KDM5B: variants seen among roughly 807,000 people sequenced by gnomAD.
KDM5B encodes the protein lysine demethylase 5B.
A neutral mutation model predicts 193.4 loss-of-function variants in KDM5B; 144 were observed. The observed-to-expected ratio is 0.74, with a 90% CI of 0.65 to 0.86. The LOEUF (loss-of-function observed/expected upper bound fraction) is 0.86, where lower values mean the gene tolerates loss of function less well. KDM5B is among the 40% of genes least tolerant of loss of function. The pLI, the probability that KDM5B is intolerant of heterozygous loss-of-function variation, is 0.00. For synonymous variants in KDM5B, 668 were observed against 682.6 expected (o/e 0.98, Z 0.33); for missense variants, 1,833 against 1,886.9 (o/e 0.97, Z 0.53).
At chr1:202,792,711 G>A (rs948639769) in intron 1 of KDM5B, among the ~76,000 whole-genome samples, 13 of 152,298 alleles carry the variant, frequency 8.5e-5, no homozygotes, top group African/African-American at 3.1e-4. Flanking sequence ...AAAAAAGACT[G>A]TAGGCCGGGC....
At chr1:202,730,846 G>T in intron 25 of KDM5B, 63 bp downstream of exon 25, 10 of 1,478,122 alleles carry the variant, frequency 6.8e-6, no homozygotes, top group Non-Finnish European at 9.1e-6. Flanking sequence ...GTTTCGAGGA[G>T]TAAAATAAAG....
intron 1 of KDM5B, among the ~76,000 whole-genome samples, chr1:202,807,540 C>A (rs1321233084): frequency 2.6e-5 from 4 of 152,034 alleles, no homozygotes; most frequent in African/African-American, 9.7e-5. Flanking sequence ...GGTGGGGCGC[C>A]CAGGTGAGGG....
In KDM5B at chr1:202,755,280, T is replaced by C. The variant is rs764704460; in HGVS notation, c.1529A>G (p.Tyr510Cys). ...IEDHWSYSIN[Y>C]LHWGEPKTWY... ...TTTTGGAACTTCTCACCAGTGCAAG[T>C]AGTTAATTGAATAGCTCCAGTGGTC... The change falls in exon 11 of 27, where the codon TAC becomes TGC. Residue 510 changes from tyrosine to cysteine, a missense_variant. By Grantham distance (194) the Tyr-to-Cys change is radical (BLOSUM62 -2). This residue lies in a region of KDM5B where 1,379 missense variants were observed against 1,349.6 expected (regional missense o/e 1.02). Coordinates refer to ENST00000367265, the MANE Select transcript of KDM5B (RefSeq NM_006618.5). The C allele has an allele frequency of 7.4e-6, 12 of 1,613,680 alleles. No individual in the cohort carries two copies. The highest frequency in any genetic ancestry group is 2.2e-5 in the East Asian group (1 of 44,876).
chr1:202,764,385 G>C (rs1266897711), intron 5 of KDM5B, among the ~76,000 whole-genome samples: 1 of 151,938 alleles, frequency 6.6e-6, no homozygotes, highest in Non-Finnish European at 1.5e-5. Context: ...ACCTGTAATC[G>C]CAGCACTTTG....
intron 1 of KDM5B, among the ~76,000 whole-genome samples, chr1:202,791,976 G>T (rs920377492): frequency 1.3e-5 from 2 of 152,144 alleles, no homozygotes; most frequent in African/African-American, 4.8e-5. Flanking sequence ...AAAGTGCTGG[G>T]ATTACAGGCA....
intron 1 of KDM5B, among the ~76,000 whole-genome samples, chr1:202,779,837 AAATAAAT>A (rs1295206492): frequency 1.8e-4 from 27 of 150,726 alleles, no homozygotes; most frequent in African/African-American, 2.9e-4. Context: ...ATAAATAAAT[AAATAAAT>A]AAAAAATAAA....
intron 14 of KDM5B, 72 bp from the exon 15 acceptor site, chr1:202,746,395 T>TAG (rs1655562461): frequency 1.1e-6 from 1 of 930,306 alleles, no homozygotes; most frequent in Non-Finnish European, 1.5e-6. Context: ...AAACATGCAG[T>TAG]AGTACTTGAG....
intron 1 of KDM5B, chr1:202,806,649 A>C (rs1658304787): frequency 6.6e-6 from 1 of 152,162 alleles, no homozygotes; most frequent in African/African-American, 2.4e-5. Context: ...TCCGTGTTTT[A>C]ATTTGGGGCA....
At chr1:202,760,713 T>C (rs1656212269) in intron 7 of KDM5B, 140 bp from the exon 8 acceptor site, 1 of 505,704 alleles carries the variant, frequency 2.0e-6, no homozygotes, top group East Asian at 3.4e-5. Flanking sequence ...ATAAGGGATA[T>C]TTTAAATAAA....
rs761912360 is a variant in KDM5B at position 202,729,043 on chromosome 1, C to A, written c.4628G>T (p.Arg1543Leu). ...GTATCTGTTTTTGTGTTTTTACTTTCGGCTTGGTGCGTCCTTCACAGTACA... is the reference window on the plus strand; with the variant it reads ...GTATCTGTTTTTGTGTTTTTACTTTAGGCTTGGTGCGTCCTTCACAGTACA... ...VRCTVKDAPS[R>L]K Residue 1543 changes from arginine (R) to leucine (L), a missense_variant, in exon 27 of 27, where the codon CGA becomes CTA. Transcript: ENST00000367265. 1 of 1,613,952 alleles carries A rather than the reference C, an allele frequency of 6.2e-7. No homozygotes were observed.
chr1:202,755,516 C>T, intron 10 of KDM5B, 64 bp from the exon 11 acceptor site: 1 of 1,238,168 alleles, frequency 8.1e-7, no homozygotes. Flanking sequence ...TTTAGAAGGC[C>T]AGCTAAAAAT....
chr1:202,776,267 T>A (rs1358279184), intron 2 of KDM5B: 11 of 152,020 alleles, frequency 7.2e-5, no homozygotes, highest in Non-Finnish European at 1.6e-4. Flanking sequence ...TTTTAAAAAA[T>A]TTAATTCAGC....
chr1:202,745,763 A>C, intron 16 of KDM5B, 95 bp downstream of exon 16: 1 of 1,394,240 alleles, frequency 7.2e-7, no homozygotes, highest in Admixed American at 1.7e-5. Context: ...GGATGAGGTC[A>C]GGCTGTTTCA....
intron 25 of KDM5B, among the ~76,000 whole-genome samples, chr1:202,730,591 A>ATCTT (rs1558477754): frequency 6.6e-6 from 1 of 152,224 alleles, no homozygotes; most frequent in African/African-American, 2.4e-5. Context: ...CCCTCATGCT[A>ATCTT]TCTTTAGTGA....
chr1:202,742,086 G>A (rs1313561543), intron 18 of KDM5B, among the ~76,000 whole-genome samples: 1 of 151,924 alleles, frequency 6.6e-6, no homozygotes, highest in East Asian at 1.9e-4. Flanking sequence ...ATATTGGTCA[G>A]GCTGGTCTTG....
rs1553358956 is a variant in KDM5B, at chr1:202,775,879, A to AAAT, written c.282+1137_282+1138insATT. ...CTCAAAAAAAAAAAAAAAAAAAAAAAATATATATATATATATATATATATA... is the reference window on the plus strand; with the variant it reads ...CTCAAAAAAAAAAAAAAAAAAAAAAAAATATATATATATATATATATATATATA... On this transcript the variant is annotated intron_variant, in intron 2 of 26. Transcript: ENST00000367265. Among the ~76,000 whole-genome samples, 218 of 93,186 alleles carry AAAT rather than the reference A, an allele frequency of 2.3e-3. 3 individuals carry two copies. Among genetic ancestry groups the AAAT allele is most frequent in the African/African-American group, 7.9e-3 (175 of 22,054 alleles). 61.1% of individuals were successfully genotyped at this position (93,186 alleles called of 152,430 possible).
intron 18 of KDM5B, 149 bp downstream of exon 18, chr1:202,742,242 T>C (rs1252435333): frequency 1.7e-6 from 1 of 576,334 alleles, no homozygotes; most frequent in Non-Finnish European, 3.0e-6. Flanking sequence ...TCTCTTTATA[T>C]ACATATACCA....
At chr1:202,753,807 T>C (rs1423279267) in intron 11 of KDM5B, among the ~76,000 whole-genome samples, 2 of 151,936 alleles carry the variant, frequency 1.3e-5, no homozygotes, top group Non-Finnish European at 2.9e-5. Flanking sequence ...GTAGCTAGTA[T>C]TACAGGCGTG....
At chr1:202,743,267 T>A (rs1008790097) in intron 16 of KDM5B, among the ~76,000 whole-genome samples, 1 of 144,856 alleles carries the variant, frequency 6.9e-6, no homozygotes, top group Non-Finnish European at 1.5e-5. Context: ...AACCCAGGAT[T>A]TCAAGGCTGC....
Sources: allele counts gnomAD v4.1 joint callset (sites outside exome capture counted in the v4.1 genomes callset), GRCh38; gene constraint gnomAD v4.1.1; regional missense constraint gnomAD v4.1.1; transcripts MANE v1.5; gene names NCBI Gene and HGNC (gene_info 2026-07-23, HGNC 2026-07-21).